The following FRG1 variants were observed in gnomAD, a reference collection of about 807,000 sequenced individuals.
The protein encoded by FRG1 is protein FRG1.
A neutral mutation model predicts 37.0 loss-of-function variants in FRG1; 19 were observed. The observed-to-expected ratio is 0.51, with a 90% CI of 0.36 to 0.75. The LOEUF is 0.75. FRG1 is among the 30% of genes least tolerant of loss of function. The pLI is 0.00. For missense variants in FRG1, 243 were observed against 301.4 expected (o/e 0.81, Z 1.44); for synonymous variants, 73 against 96.5 (o/e 0.76, Z 1.43).
In FRG1 at chr4:189,944,613, C is replaced by CT. The variant is rs70947946; in HGVS notation, c.133+1352dup. Among the ~76,000 whole-genome samples, 100 of 149,052 alleles carry CT rather than the reference C, an allele frequency of 6.7e-4. 1 individual carries two copies. In the South Asian group the frequency reaches 0.014, roughly 22 times the overall value. On this transcript the variant is annotated intron_variant, in intron 2 of 8. Coordinates refer to ENST00000226798, the MANE Select transcript of FRG1 (RefSeq NM_004477.3). ...GTTGTGAGTTCGGTTTCAAGATTTA[C>CT]TTTTTTTTTTTAAACATCTTGATAG... is the stretch of plus-strand genomic sequence containing the variant.
At chr4:189,955,243 G>C in intron 5 of FRG1, 92 bp downstream of exon 5, 2 of 719,822 alleles carry the variant, frequency 2.8e-6, no homozygotes, top group Non-Finnish European at 4.9e-6. Flanking sequence ...AGAAAAAGTA[G>C]GATGCAATAG....
chr4:189,953,054 T>G lies in FRG1; in HGVS notation c.260-14T>G, dbSNP rs1344397421. ...AAATGTCAAATTTATTTTCAAATGT[T>G]TTTTCTCCAATAGTTGATGAGGGCC... On this transcript the variant is annotated splice_polypyrimidine_tract_variant and intron_variant, in intron 3 of 8. Transcript: ENST00000226798. The G allele has an allele frequency of 2.6e-6, 4 of 1,551,512 alleles. No homozygotes were observed. The highest frequency in any genetic ancestry group is 2.6e-6 in the Non-Finnish European group (3 of 1,156,080).
At position 189,953,075 on chromosome 4, in the gene FRG1, G is replaced by C. The variant is rs1430246786; in HGVS notation, c.267G>C (p.Glu89Asp). 6.3e-7 allele frequency: 1 copy of C among 1,583,064 alleles called. No homozygotes were observed. The highest frequency in any genetic ancestry group is 1.4e-5 in the African/African-American group (1 of 73,122). The change falls in exon 4 of 9, where the codon GAG becomes GAC. Residue 89 changes from glutamate to aspartate, a missense_variant. Glu to Asp is a conservative substitution (Grantham distance 45). Coordinates refer to ENST00000226798, the MANE Select transcript of FRG1 (RefSeq NM_004477.3). The part of the protein sequence containing the change: ...TLGAPHKEVD[E>D]GPSPPEQFTA... ...ATGTTTTTTCTCCAATAGTTGATGAGGGCCCTAGTCCTCCAGAGCAGTTTA... is the reference window on the plus strand; with the variant it reads ...ATGTTTTTTCTCCAATAGTTGATGACGGCCCTAGTCCTCCAGAGCAGTTTA...
At chr4:189,949,181 C>G (rs960601920) in intron 2 of FRG1, among the ~76,000 whole-genome samples, 11 of 152,224 alleles carry the variant, frequency 7.2e-5, no homozygotes, top group Non-Finnish European at 1.5e-5. Context: ...ACAGCTTGAG[C>G]TGTCACCTGA....
At chr4:189,952,998 T>A (rs1231018463) in intron 3 of FRG1, 70 bp from the exon 4 acceptor site, 88 of 1,503,952 alleles carry the variant, frequency 5.9e-5, no homozygotes, top group Non-Finnish European at 7.3e-5. Context: ...CCACATTTTT[T>A]AAAACAAAAT....
At chr4:189,941,756 G>A (rs1736313545) in intron 1 of FRG1, 1 of 320,524 alleles carries the variant, frequency 3.1e-6, no homozygotes, top group Admixed American at 4.2e-5. Context: ...TGAGGAGGAG[G>A]TCGTAATGGT....
At position 189,959,898 on chromosome 4, in the gene FRG1, A is replaced by G. The variant is rs1276563778; in HGVS notation, c.538-850A>G. 20 of 983,764 alleles carry G rather than the reference A, an allele frequency of 2.0e-5. No homozygotes were observed. The East Asian group carries it at 4.5e-4, about 22-fold the overall frequency. 60.9% of individuals were successfully genotyped at this position (983,764 alleles called of 1,614,324 possible). On this transcript the variant is annotated intron_variant, in intron 6 of 8. Transcript: ENST00000226798. ...CCTTTATGACCTTGCCTTATCTACC[A>G]GAACACAGATCCCTCTTACTAAAGG... is the stretch of plus-strand genomic sequence containing the variant.
chr4:189,962,294 G>A (rs147457867), intron 8 of FRG1, among the ~76,000 whole-genome samples: 1 of 152,082 alleles, frequency 6.6e-6, no homozygotes, highest in Non-Finnish European at 1.5e-5. Context: ...AATAAGAATA[G>A]ATCAACTAAA....
At chr4:189,955,243 G>A in intron 5 of FRG1, 92 bp downstream of exon 5, 1 of 719,822 alleles carries the variant, frequency 1.4e-6, no homozygotes, top group South Asian at 1.6e-5. Flanking sequence ...AGAAAAAGTA[G>A]GATGCAATAG....
At chr4:189,949,730 ATTAT>A (rs1329378740) in intron 2 of FRG1, among the ~76,000 whole-genome samples, 3 of 152,194 alleles carry the variant, frequency 2.0e-5, no homozygotes, top group Non-Finnish European at 4.4e-5. Context: ...TGAATAAAGC[ATTAT>A]TTCTTTTCCT....
At chr4:189,959,440 GTGT>G (rs1371349023) in intron 6 of FRG1, among the ~76,000 whole-genome samples, 2 of 152,126 alleles carry the variant, frequency 1.3e-5, no homozygotes, top group Non-Finnish European at 2.9e-5. Context: ...TGATTTCAAG[GTGT>G]GGTAAGACAG....
chr4:189,948,214 TTCTGTTGG>T (rs1288853180), intron 2 of FRG1, among the ~76,000 whole-genome samples: 1 of 152,226 alleles, frequency 6.6e-6, no homozygotes, highest in Non-Finnish European at 1.5e-5. Context: ...TTTAAAGCTG[TTCTGTTGG>T]TTCCTCACAA....
chr4:189,940,992 C>G lies in FRG1; in HGVS notation c.-18C>G, dbSNP rs1343831689. 1 of 1,610,930 alleles carries G rather than the reference C, an allele frequency of 6.2e-7. No homozygotes were observed. The highest frequency in any genetic ancestry group is 2.2e-5 in the East Asian group (1 of 44,846). ...CAGAACCGGCCTCAGCCTCTCCGCG[C>G]AGAAGTTTCCCGGAGCCATGGCCGA... On this transcript the variant is annotated 5_prime_UTR_variant, in exon 1 of 9. Coordinates refer to ENST00000226798, the MANE Select transcript of FRG1 (RefSeq NM_004477.3).
In FRG1 at chr4:189,960,658, AATC is replaced by A. The variant is rs201693272; in HGVS notation, c.538-86_538-84del. The A allele has an allele frequency of 0.012, 14,325 of 1,194,738 alleles. 738 individuals carry two copies. In the East Asian group the frequency reaches 0.14, roughly 12 times the overall value. 74.0% of individuals were successfully genotyped at this position (1,194,738 alleles called of 1,614,324 possible). A position where few individuals can be genotyped will look rare whatever the true frequency, so the allele number is the denominator to read the frequency against. ...AGTTAATTTTTTCTTCTGCATAAGA[AATC>A]ATCTCGAATGTTCTTATGTGATACG... On this transcript the variant is annotated intron_variant, in intron 6 of 8. Coordinates refer to ENST00000226798, the MANE Select transcript of FRG1 (RefSeq NM_004477.3).
At position 189,952,099 on chromosome 4, in the gene FRG1, CAAAAA is replaced by C; in HGVS notation, c.134-59_134-55del. On this transcript the variant is annotated intron_variant, in intron 2 of 8. Coordinates refer to ENST00000226798, the MANE Select transcript of FRG1 (RefSeq NM_004477.3). ...AGTTTTTAAAATTAAGTTATAATAA[CAAAAA>C]AAAGAACTCTGTGTCAAAACTAAAA... is the stretch of plus-strand genomic sequence containing the variant. The C allele has an allele frequency of 4.1e-6, 5 of 1,230,136 alleles. No individual in the cohort carries two copies. The East Asian group carries it at 9.7e-5, about 24-fold the overall frequency. 76.2% of individuals were successfully genotyped at this position (1,230,136 alleles called of 1,614,324 possible).
In FRG1 at chr4:189,946,563, T is replaced by G. The variant is rs1441069407; in HGVS notation, c.133+3291T>G. 2.6e-5 allele frequency among the ~76,000 whole-genome samples: 4 copies of G among 152,194 alleles called. No homozygotes were observed. In the East Asian group the frequency reaches 7.7e-4, roughly 29 times the overall value. On this transcript the variant is annotated intron_variant, in intron 2 of 8. Transcript: ENST00000226798. ...ATTGCTTCTTAGGAAGGGAGTTAGATCTCTTCATTCCACTTTAGTTTCAGT... is the reference window on the plus strand; with the variant it reads ...ATTGCTTCTTAGGAAGGGAGTTAGAGCTCTTCATTCCACTTTAGTTTCAGT...
chr4:189,944,901 G>A (rs1257554812), intron 2 of FRG1, among the ~76,000 whole-genome samples: 2 of 152,162 alleles, frequency 1.3e-5, no homozygotes. Flanking sequence ...GGATTTTCTC[G>A]AGAACTGTAT....
chr4:189,962,318 A>G (rs1051353316), intron 8 of FRG1, among the ~76,000 whole-genome samples: 2 of 151,722 alleles, frequency 1.3e-5, no homozygotes, highest in African/African-American at 4.8e-5. Flanking sequence ...CTAAGTATAA[A>G]AGCTAAACAA....
At chr4:189,952,095 A>G in intron 2 of FRG1, 67 bp from the exon 3 acceptor site, 1 of 1,169,204 alleles carries the variant, frequency 8.6e-7, no homozygotes, top group Non-Finnish European at 1.2e-6. Context: ...TTAAGTTATA[A>G]TAACAAAAAA....
Sources: allele counts gnomAD v4.1 joint callset (sites outside exome capture counted in the v4.1 genomes callset), GRCh38; gene constraint gnomAD v4.1.1; transcripts MANE v1.5; gene names NCBI Gene and HGNC (gene_info 2026-07-23, HGNC 2026-07-21).